The following MLXIPL variants were observed in gnomAD, a reference collection of about 807,000 sequenced individuals.
MLXIPL encodes the protein carbohydrate-responsive element-binding protein.
MLXIPL carries 49 observed loss-of-function variants against 81.5 expected under a neutral mutation model. That is an observed-to-expected ratio of 0.60 (90% CI 0.48 to 0.76). MLXIPL has a LOEUF of 0.76. Among genes scored for constraint, MLXIPL ranks in the 30% least tolerant of loss-of-function variants. The pLI, the probability that MLXIPL is intolerant of heterozygous loss-of-function variation, is 0.00. For synonymous variants in MLXIPL, 466 were observed against 485.5 expected, an observed-to-expected ratio of 0.96 and a Z score of 0.53; for missense variants, 1,053 against 1,167.0, an observed-to-expected ratio of 0.90 and a Z score of 1.42.
chr7:73,634,996 T>C, the MLXIPL span, among the ~76,000 whole-genome samples: 2 of 145,588 alleles, frequency 1.4e-5, no homozygotes, highest in Non-Finnish European at 3.1e-5. Flanking sequence ...TTTTTTTTTT[T>C]TGTATTTTTA....
At chr7:73,607,460 GA>G (rs1554598649) in intron 3 of MLXIPL, 40 bp from the exon 4 acceptor site, 40 of 1,526,870 alleles carry the variant, frequency 2.6e-5, no homozygotes, top group Non-Finnish European at 3.5e-5. Context: ...GTAGAGAGGG[GA>G]GCACCGCACA....
chr7:73,596,778 G>A lies in MLXIPL; in HGVS notation c.1683C>T (p.Val561=). 2 of 1,605,610 alleles carry A rather than the reference G, an allele frequency of 1.2e-6. No homozygotes were observed. Among genetic ancestry groups the A allele is most frequent in the Non-Finnish European group, 1.7e-6 (2 of 1,176,936 alleles). The change falls in exon 11 of 17, where the codon GTC becomes GTT. Residue 561 remains valine (V), a synonymous_variant. Transcript: ENST00000313375. This position sits in a 1 kb window ranked among gnomAD's most constrained non-coding sequence, Gnocchi z 4.7. ...GAAGGAATGTGCAGGGGAATTCAGG[G>A]ACTGTCTCCTGCTGGGGTGGAGAAG... ...LRSPGSPQET[V]PEFPCTFLPP... is the part of the protein sequence containing the mutation.
chr7:73,612,309 T>G (rs1341187585), intron 2 of MLXIPL, among the ~76,000 whole-genome samples: 1 of 147,500 alleles, frequency 6.8e-6, no homozygotes, highest in African/African-American at 2.5e-5. Context: ...CCAGCCTGGG[T>G]GATGAAGTGA....
At chr7:73,647,481 A>G in the MLXIPL span, among the ~76,000 whole-genome samples, 7 of 152,116 alleles carry the variant, frequency 4.6e-5, no homozygotes, top group African/African-American at 1.4e-4. Flanking sequence ...CAGTCCAGCC[A>G]GTGGGAGACA....
At chr7:73,605,550 T>G (rs1156739766) in intron 7 of MLXIPL, 138 bp downstream of exon 7, 1 of 745,736 alleles carries the variant, frequency 1.3e-6, no homozygotes, top group Non-Finnish European at 2.2e-6. Flanking sequence ...CATCTCAAAA[T>G]AAATAAATAA....
rs1793991550 is a variant in MLXIPL, at chr7:73,593,227, G to T, written c.*638C>A. On this transcript the variant is annotated 3_prime_UTR_variant, in exon 17 of 17. Transcript: ENST00000313375. ...GACAGTTTTTGCTTTTATTGGTCAA[G>T]AATTCTTTACAAAACCCACACACAC... 6.4e-6 allele frequency: 1 copy of T among 157,240 alleles called. No individual in the cohort carries two copies. Among genetic ancestry groups the T allele is most frequent in the Non-Finnish European group, 1.4e-5 (1 of 71,340 alleles). 9.7% of individuals were successfully genotyped at this position (157,240 alleles called of 1,614,324 possible).
chr7:73,601,176 A>AGTGTGTGTGTGTGTGTGTGTGT (rs55639253), intron 7 of MLXIPL, among the ~76,000 whole-genome samples: 24 of 137,654 alleles, frequency 1.7e-4, no homozygotes, highest in African/African-American at 4.7e-4. Context: ...TGCAGGGTCA[A>AGTGTGTGTGTGTGTGTGTGTGT]GTGTGTGTGT....
At chr7:73,628,467 C>G (rs1349341113), upstream of MLXIPL, among the ~76,000 whole-genome samples, 1 of 152,170 alleles carries the variant, frequency 6.6e-6, no homozygotes, top group Admixed American at 6.5e-5. Context: ...ACTAGAGTGT[C>G]CAATAAATGC....
intron 8 of MLXIPL, among the ~76,000 whole-genome samples, chr7:73,599,066 T>G (rs1167709239): frequency 6.8e-6 from 1 of 147,374 alleles, no homozygotes; most frequent in African/African-American, 2.6e-5. Flanking sequence ...AGACTCTGTC[T>G]CAAAGAAAAA....
intron 7 of MLXIPL, among the ~76,000 whole-genome samples, chr7:73,602,105 TGCCTGCCTG>T: frequency 1.5e-5 from 2 of 136,690 alleles, no homozygotes; most frequent in Admixed American, 1.5e-4. Context: ...CCTTCCTGCC[TGCCTGCCTG>T]CCTGCCTGCC....
chr7:73,644,283 C>G, the MLXIPL span, among the ~76,000 whole-genome samples: 1 of 151,856 alleles, frequency 6.6e-6, no homozygotes, highest in Non-Finnish European at 1.5e-5. Flanking sequence ...TCTCGGCTCA[C>G]TGCAACCTCC....
chr7:73,606,172 C>T, intron 5 of MLXIPL, 61 bp from the exon 6 acceptor site: 2 of 1,510,920 alleles, frequency 1.3e-6, no homozygotes, highest in Non-Finnish European at 1.8e-6. Flanking sequence ...TCTTCCATAT[C>T]ACCCCTCTCC....
rs781935224 is a variant in MLXIPL at position 73,594,364 on chromosome 7, C to T, written c.2350G>A (p.Gly784Arg). The change falls in exon 16 of 17, where the codon GGG becomes AGG. Residue 784 changes from glycine to arginine, a missense_variant. Gly to Arg is a moderately radical substitution (Grantham distance 125). Around this residue, in one of 3 missense-constraint regions of MLXIPL, gnomAD observed 823 missense variants for 933.0 expected, o/e 0.88. Transcript: ENST00000313375. ...TGCACACTTGCCGTGGACACCATCC[C>T]GTTGAAGGACTCAAACAGAGGCCGG... is the stretch of plus-strand genomic sequence containing the variant. ...LIRPLFESFN[G>R]MVSTASVHTL... 6.2e-6 allele frequency: 10 copies of T among 1,607,778 alleles called. No individual in the cohort carries two copies. Among genetic ancestry groups the T allele is most frequent in the African/African-American group, 1.3e-5 (1 of 74,974 alleles).
chr7:73,597,205 C>A lies in MLXIPL; in HGVS notation c.1580G>T (p.Cys527Phe). The change falls in exon 9 of 17, where the codon TGC becomes TTC. Residue 527 changes from cysteine (C) to phenylalanine (F), a missense_variant. Cys to Phe is a radical substitution (Grantham distance 205). Transcript: ENST00000313375. ...ACCTGCTGTGAGCAGCTGTGTGAGG[C>A]AGGGGTTGTTGCTCCCCGCAGTGGT... ...PPTTAGSNNP[C>F]LTQLLTAAKP... 1 of 1,605,368 alleles carries A rather than the reference C, an allele frequency of 6.2e-7. No homozygotes were observed. The highest frequency in any genetic ancestry group is 1.7e-5 in the Admixed American group (1 of 59,410).
the MLXIPL span, among the ~76,000 whole-genome samples, chr7:73,635,355 A>T: frequency 2.0e-5 from 3 of 152,106 alleles, no homozygotes; most frequent in Non-Finnish European, 4.4e-5. Context: ...GTGAGTATCT[A>T]GTCATCCGTC....
At chr7:73,620,820 G>A (rs1796301404) in intron 1 of MLXIPL, among the ~76,000 whole-genome samples, 1 of 150,580 alleles carries the variant, frequency 6.6e-6, no homozygotes, top group Admixed American at 6.6e-5. Context: ...GGAGGCTGAG[G>A]TGGGCAGATC....
At chr7:73,631,589 G>GTTTTTT in the MLXIPL span, among the ~76,000 whole-genome samples, 1 of 71,894 alleles carries the variant, frequency 1.4e-5, no homozygotes, top group African/African-American at 5.7e-5. Context: ...TTTTTTTTAG[G>GTTTTTT]TAGAGATGGG....
chr7:73,633,048 C>T, the MLXIPL span, among the ~76,000 whole-genome samples: 2 of 147,020 alleles, frequency 1.4e-5, no homozygotes, highest in African/African-American at 2.5e-5. Context: ...CCCAAAGCGC[C>T]GGGACTATAG....
the MLXIPL span, among the ~76,000 whole-genome samples, chr7:73,633,598 T>C: frequency 3.9e-4 from 59 of 152,014 alleles, no homozygotes; most frequent in Non-Finnish European, 2.6e-4. Context: ...GGATTACAGG[T>C]GGGAGCCACC....
Sources: allele counts gnomAD v4.1 joint callset (sites outside exome capture counted in the v4.1 genomes callset), GRCh38; gene constraint gnomAD v4.1.1; regional missense constraint gnomAD v4.1.1; non-coding constraint Gnocchi (gnomAD v3.1); transcripts MANE v1.5; gene names NCBI Gene and HGNC (gene_info 2026-07-23, HGNC 2026-07-21).